Variants in ARHGAP39 observed in about 807,000 individuals in gnomAD.
ARHGAP39 encodes the protein rho GTPase-activating protein 39.
In ARHGAP39, 44 loss-of-function variants were observed where a neutral mutation model predicts 106.9. That is an observed-to-expected ratio of 0.41 (90% CI 0.32 to 0.53). The LOEUF (loss-of-function observed/expected upper bound fraction) is 0.53, where lower values mean the gene tolerates loss of function less well. Ranked by LOEUF, ARHGAP39 falls within the 20% of genes least tolerant of loss-of-function variation. The pLI is 0.21. For missense variants in ARHGAP39, 1,496 were observed against 1,577.3 expected (o/e 0.95, Z 0.87); for synonymous variants, 768 against 693.2 (o/e 1.11, Z -1.69).
intron 10 of ARHGAP39, among the ~76,000 whole-genome samples, 182 bp downstream of exon 10, chr8:144,532,123 G>C (rs1262392266): frequency 6.6e-6 from 1 of 152,108 alleles, no homozygotes; most frequent in Non-Finnish European, 1.5e-5. Flanking sequence ...AGGCCTCGGG[G>C]TGCCCAGCAG....
At chr8:144,680,366 G>A (rs192232130) in intron 1 of ARHGAP39, among the ~76,000 whole-genome samples, 230 of 152,290 alleles carry the variant, frequency 1.5e-3, no homozygotes, top group South Asian at 5.4e-3. Flanking sequence ...CAGCCAGAGC[G>A]GCCATGGACA....
At chr8:144,600,206 T>C (rs1819799947) in intron 2 of ARHGAP39, among the ~76,000 whole-genome samples, 1 of 137,944 alleles carries the variant, frequency 7.2e-6, no homozygotes, top group Non-Finnish European at 1.6e-5. Flanking sequence ...TGCGTGTGCG[T>C]GTGTGTGGGG....
chr8:144,637,349 C>T (rs56088414), intron 1 of ARHGAP39, among the ~76,000 whole-genome samples: 9,092 of 152,196 alleles, frequency 0.06, 382 homozygotes, highest in Non-Finnish European at 0.086. Context: ...CAGTGGCTCA[C>T]GCCTGTAATC....
At chr8:144,698,759 T>G in the ARHGAP39 span, 1 of 452,344 alleles carries the variant, frequency 2.2e-6, no homozygotes, top group South Asian at 1.6e-5. Flanking sequence ...TTTCCATGAG[T>G]GTCCTTGGCC....
rs1819166652 is a variant in ARHGAP39, at chr8:144,585,851, A to C, written c.81-4574T>G. ...ACACAAATAAAAATGGCAACTGTTG[A>C]AAGGGGCTGGACGGGTGCCCTGCCT... On this transcript the variant is annotated intron_variant, in intron 2 of 11. Coordinates refer to ENST00000377307, the MANE Select transcript of ARHGAP39 (RefSeq NM_025251.3). This position sits in a 1 kb window ranked among gnomAD's most constrained non-coding sequence, Gnocchi z 4.6. 6.6e-6 allele frequency among the ~76,000 whole-genome samples: 1 copy of C among 152,218 alleles called. No homozygotes were observed. Among genetic ancestry groups the C allele is most frequent in the Non-Finnish European group, 1.5e-5 (1 of 68,018 alleles).
chr8:144,554,692 A>G (rs534282800), intron 4 of ARHGAP39, among the ~76,000 whole-genome samples: 1 of 152,222 alleles, frequency 6.6e-6, no homozygotes, highest in Admixed American at 6.5e-5. Context: ...GATCCATCCC[A>G]CTGATGAGGA....
chr8:144,547,882 C>G lies in ARHGAP39; in HGVS notation c.1204G>C (p.Glu402Gln). The G allele has an allele frequency of 1.9e-6, 3 of 1,583,890 alleles. No homozygotes were observed. The highest frequency in any genetic ancestry group is 2.3e-5 in the South Asian group (2 of 87,844). ...AGCTTGGGGCTGGAGCCCGCCTGCTCCACGTAGACCAGCTGCCGCACGTAC... is the reference window on the plus strand; with the variant it reads ...AGCTTGGGGCTGGAGCCCGCCTGCTGCACGTAGACCAGCTGCCGCACGTAC... Reference protein sequence around the residue: ...KEYVRQLVYVEQAGSSPKLRA... With the variant: ...KEYVRQLVYVQQAGSSPKLRA... Residue 402 changes from glutamate (E) to glutamine (Q), a missense_variant, in exon 5 of 12, where the codon GAG (glutamate) becomes CAG (glutamine). By Grantham distance (29) the Glu-to-Gln change is conservative. Transcript: ENST00000377307. The surrounding 1 kb of genome is among the most constrained non-coding windows in gnomAD (Gnocchi z 5.2).
intron 2 of ARHGAP39, among the ~76,000 whole-genome samples, chr8:144,600,693 TGGA>T (rs1158679538): frequency 2.7e-5 from 4 of 146,896 alleles, no homozygotes; most frequent in African/African-American, 7.7e-5. Flanking sequence ...TGCGTGTGCG[TGGA>T]GACGTGCGTG....
chr8:144,620,151 G>A (rs1294023694), intron 1 of ARHGAP39, among the ~76,000 whole-genome samples: 5 of 147,748 alleles, frequency 3.4e-5, no homozygotes, highest in African/African-American at 1.3e-4. Flanking sequence ...GTCCCTGAGA[G>A]CGTGTGCCCA....
intron 1 of ARHGAP39, among the ~76,000 whole-genome samples, chr8:144,640,948 A>G (rs1479572041): frequency 6.6e-6 from 1 of 152,232 alleles, no homozygotes; most frequent in East Asian, 1.9e-4. Context: ...TCATTTCATC[A>G]GACCCTAGTA....
In ARHGAP39 at chr8:144,538,496, G is replaced by A. The variant is rs747044916; in HGVS notation, c.2522-683C>T. Among the ~76,000 whole-genome samples, 104 of 152,104 alleles carry A rather than the reference G, an allele frequency of 6.8e-4. 2 individuals are homozygous for A. Among genetic ancestry groups the A allele is most frequent in the Non-Finnish European group, 1.2e-4 (8 of 68,020 alleles). On this transcript the variant is annotated intron_variant, in intron 6 of 11. Coordinates refer to ENST00000377307, the MANE Select transcript of ARHGAP39 (RefSeq NM_025251.3). ...GGGTGGATATGTACGTAAATTATTT[G>A]TCATTATTCTGCACAGATTTGTCTA...
At chr8:144,616,717 G>A (rs987450613) in intron 1 of ARHGAP39, among the ~76,000 whole-genome samples, 1 of 152,248 alleles carries the variant, frequency 6.6e-6, no homozygotes, top group Non-Finnish European at 1.5e-5. Context: ...GCAGCAGGAC[G>A]GGTGCAGGAG....
intron 6 of ARHGAP39, chr8:144,543,960 C>A: frequency 6.6e-6 from 1 of 152,388 alleles, no homozygotes; most frequent in Non-Finnish European, 1.5e-5. Flanking sequence ...GCACGACATT[C>A]CCAGGCCCCT....
At chr8:144,636,173 G>A (rs1821169239) in intron 1 of ARHGAP39, among the ~76,000 whole-genome samples, 1 of 152,228 alleles carries the variant, frequency 6.6e-6, no homozygotes, top group African/African-American at 2.4e-5. Flanking sequence ...CCCAGCTGGT[G>A]TCTGCTGTGG....
At chr8:144,615,547 C>A (rs1820611030) in intron 1 of ARHGAP39, among the ~76,000 whole-genome samples, 1 of 152,214 alleles carries the variant, frequency 6.6e-6, no homozygotes, top group African/African-American at 2.4e-5. Context: ...CTGGCCGACA[C>A]CCTCCTTTGC....
At chr8:144,698,897 TG>T in the ARHGAP39 span, 2 of 455,664 alleles carry the variant, frequency 4.4e-6, no homozygotes, top group Non-Finnish European at 4.4e-6. Flanking sequence ...TTGGGGGGGT[TG>T]GGGGGTCCAA....
intron 6 of ARHGAP39, among the ~76,000 whole-genome samples, chr8:144,543,333 AG>A (rs1472533587): frequency 2.0e-5 from 3 of 152,188 alleles, no homozygotes; most frequent in Admixed American, 2.0e-4. Context: ...TCCTAGGCAC[AG>A]GAGGCTGGCT....
chr8:144,616,669 C>A (rs969252996), intron 1 of ARHGAP39, among the ~76,000 whole-genome samples: 1 of 152,216 alleles, frequency 6.6e-6, no homozygotes, highest in Non-Finnish European at 1.5e-5. Context: ...GCCCAAGGGC[C>A]ATAGGGGCAG....
chr8:144,687,983 A>C (rs1419171941), upstream of ARHGAP39, among the ~76,000 whole-genome samples: 1 of 147,870 alleles, frequency 6.8e-6, no homozygotes, highest in Admixed American at 6.7e-5. Context: ...CCGTGACCAC[A>C]TACTAGCGGT....
Sources: allele counts gnomAD v4.1 joint callset (sites outside exome capture counted in the v4.1 genomes callset), GRCh38; gene constraint gnomAD v4.1.1; non-coding constraint Gnocchi (gnomAD v3.1); transcripts MANE v1.5; gene names NCBI Gene and HGNC (gene_info 2026-07-23, HGNC 2026-07-21).